The following KITLG variants were observed in gnomAD, a reference collection of about 807,000 sequenced individuals.
KITLG encodes the protein c-Kit ligand.
Under a neutral mutation model 34.1 loss-of-function variants are expected in KITLG, and 13 were observed. The observed-to-expected ratio is 0.38, with a 90% CI of 0.25 to 0.61. KITLG has a LOEUF of 0.61. Ranked by LOEUF, KITLG falls within the 20% of genes least tolerant of loss-of-function variation. The pLI is 0.60. For synonymous variants in KITLG, 110 were observed against 104.0 expected, an observed-to-expected ratio of 1.06 and a Z score of -0.35; for missense variants, 292 against 318.9, an observed-to-expected ratio of 0.92 and a Z score of 0.64.
intron 2 of KITLG, among the ~76,000 whole-genome samples, chr12:88,539,930 T>A (rs1279300182): frequency 6.6e-6 from 1 of 151,838 alleles, no homozygotes; most frequent in East Asian, 1.9e-4. Context: ...CAAAAAAAAA[T>A]TAAGATGACA....
intron 2 of KITLG, among the ~76,000 whole-genome samples, chr12:88,538,556 G>A (rs573835390): frequency 1.3e-5 from 2 of 152,078 alleles, no homozygotes; most frequent in African/African-American, 4.8e-5. Flanking sequence ...AGACAGTTTG[G>A]AGCAAAGAGA....
intron 3 of KITLG, among the ~76,000 whole-genome samples, chr12:88,524,141 A>G (rs1207769674): frequency 1.3e-5 from 2 of 152,332 alleles, no homozygotes; most frequent in East Asian, 3.9e-4. Flanking sequence ...TTCTCCATCT[A>G]TAAAATAAAT....
At chr12:88,500,279 GT>G (rs1271062780) in intron 9 of KITLG, among the ~76,000 whole-genome samples, 2 of 152,150 alleles carry the variant, frequency 1.3e-5, no homozygotes, top group Non-Finnish European at 2.9e-5. Context: ...TCAAAAATAG[GT>G]AACTGTATTT....
chr12:88,559,111 G>A (rs1871205668), intron 1 of KITLG, among the ~76,000 whole-genome samples: 1 of 152,202 alleles, frequency 6.6e-6, no homozygotes, highest in Admixed American at 6.5e-5. Context: ...TGTATTGAGT[G>A]CACAGAATAC....
chr12:88,578,375 C>CA (rs1169729581), intron 1 of KITLG, among the ~76,000 whole-genome samples: 26 of 152,198 alleles, frequency 1.7e-4, no homozygotes, highest in Non-Finnish European at 1.5e-5. Flanking sequence ...AAAGGGCCTG[C>CA]ACTTTAACTT....
intron 9 of KITLG, 90 bp downstream of exon 9, chr12:88,505,069 C>A (rs560213086): frequency 1.5e-6 from 1 of 665,250 alleles, no homozygotes; most frequent in South Asian, 1.7e-5. Context: ...TGTAAACATA[C>A]GTAACAAACC....
At chr12:88,527,707 C>T (rs562379739) in intron 3 of KITLG, among the ~76,000 whole-genome samples, 1 of 152,274 alleles carries the variant, frequency 6.6e-6, no homozygotes, top group South Asian at 2.1e-4. Context: ...ACATCTTAAC[C>T]AGATGATCAA....
intron 6 of KITLG, among the ~76,000 whole-genome samples, chr12:88,509,389 CT>C (rs1869191239): frequency 1.3e-5 from 2 of 152,158 alleles, no homozygotes; most frequent in African/African-American, 4.8e-5. Context: ...AATTTGCTAC[CT>C]AAAACCTTTC....
intron 1 of KITLG, among the ~76,000 whole-genome samples, chr12:88,553,076 A>G (rs1003542442): frequency 1.3e-5 from 2 of 152,214 alleles, no homozygotes; most frequent in African/African-American, 2.4e-5. Context: ...AAAAGACTTT[A>G]TAGAGTAGAT....
chr12:88,502,642 AC>A (rs1194364999), intron 9 of KITLG, among the ~76,000 whole-genome samples: 1 of 152,222 alleles, frequency 6.6e-6, no homozygotes, highest in African/African-American at 2.4e-5. Context: ...GCTTTAAAAT[AC>A]CATCTTTTTT....
At chr12:88,544,173 A>G (rs1870624028) in intron 2 of KITLG, among the ~76,000 whole-genome samples, 1 of 152,118 alleles carries the variant, frequency 6.6e-6, no homozygotes, top group South Asian at 2.1e-4. Flanking sequence ...AAATAGTAAC[A>G]GTGTCTAACA....
intron 3 of KITLG, among the ~76,000 whole-genome samples, chr12:88,527,891 T>A (rs1338795630): frequency 6.6e-6 from 1 of 152,186 alleles, no homozygotes; most frequent in Non-Finnish European, 1.5e-5. Context: ...AGGGGAGGAC[T>A]GTCTCATTCA....
At chr12:88,559,414 A>G (rs962285059) in intron 1 of KITLG, among the ~76,000 whole-genome samples, 12 of 152,144 alleles carry the variant, frequency 7.9e-5, no homozygotes, top group African/African-American at 2.9e-4. Context: ...GCCGCAACAT[A>G]TTTACAGACT....
chr12:88,540,350 T>A (rs1408095297), intron 2 of KITLG, among the ~76,000 whole-genome samples: 1 of 152,142 alleles, frequency 6.6e-6, no homozygotes, highest in African/African-American at 2.4e-5. Flanking sequence ...TCCCAAGTGA[T>A]GATAATCAGA....
At chr12:88,522,117 A>G (rs1437153196) in intron 3 of KITLG, among the ~76,000 whole-genome samples, 2 of 152,212 alleles carry the variant, frequency 1.3e-5, no homozygotes, top group Non-Finnish European at 1.5e-5. Context: ...TATTCTAAAC[A>G]TAACTAGGAA....
In KITLG at chr12:88,532,366, G is replaced by A. The variant is rs1398728663; in HGVS notation, c.192+75C>T. 4 of 1,050,496 alleles carry A rather than the reference G, an allele frequency of 3.8e-6. No individual in the cohort carries two copies. The African/African-American group carries it at 4.8e-5, about 13-fold the overall frequency. The allele number at this position is 1,050,496 out of a possible 1,614,324, so 65.1% of individuals were successfully genotyped here. ...AGCAAGCTCCTAAATAGCAGCTAGT[G>A]TACTATCTCAATATGAATGATCCCA... On this transcript the variant is annotated intron_variant, in intron 3 of 9. Transcript: ENST00000644744.
At chr12:88,550,660 A>T (rs1161976279) in intron 1 of KITLG, among the ~76,000 whole-genome samples, 2 of 152,224 alleles carry the variant, frequency 1.3e-5, no homozygotes, top group Non-Finnish European at 2.9e-5. Flanking sequence ...TGAAATCAGT[A>T]AGCCCAGGTC....
intron 6 of KITLG, among the ~76,000 whole-genome samples, chr12:88,508,187 T>TAA (rs939366263): frequency 2.4e-4 from 35 of 143,166 alleles, no homozygotes; most frequent in Non-Finnish European, 5.2e-4. Flanking sequence ...ACTCTGTCTT[T>TAA]AAAAAAAAAA....
Position 88,515,521 on chromosome 12 carries a change from T to C in KITLG, c.604+13A>G. 6.4e-7 allele frequency: 1 copy of C among 1,557,450 alleles called. No homozygotes were observed. Among genetic ancestry groups the C allele is most frequent in the East Asian group, 2.3e-5 (1 of 44,416 alleles). On this transcript the variant is annotated intron_variant, in intron 6 of 9. Coordinates refer to ENST00000644744, the MANE Select transcript of KITLG (RefSeq NM_000899.5). ...GGAGCCATGCATGCATTAAATCAGA[T>C]ATATGTACTTACTATTACTGCTACT...
Sources: gnomAD v4.1 joint callset for allele counts (sites outside exome capture counted in the v4.1 genomes callset) on GRCh38, gnomAD v4.1.1 for gene constraint, MANE v1.5 for transcripts, NCBI Gene and HGNC (gene_info 2026-07-23, HGNC 2026-07-21) for gene names.